The following NEDD4L variants were observed in gnomAD, a reference collection of about 807,000 sequenced individuals.
NEDD4L encodes NEDD4 like E3 ubiquitin protein ligase.
A neutral mutation model predicts 148.9 loss-of-function variants in NEDD4L; 54 were observed. The ratio of observed to expected loss-of-function variants is 0.36; its 90% CI spans 0.29 to 0.45. The LOEUF (loss-of-function observed/expected upper bound fraction) is 0.45, where lower values mean the gene tolerates loss of function less well. Ranked by LOEUF, NEDD4L falls within the 20% of genes least tolerant of loss-of-function variation. NEDD4L has a pLI of 1.00. For missense variants in NEDD4L, 856 were observed against 1,233.8 expected (o/e 0.69, Z 4.59); for synonymous variants, 433 against 440.7 (o/e 0.98, Z 0.22).
intron 22 of NEDD4L, among the ~76,000 whole-genome samples, chr18:58,368,552 G>A (rs2046407479): frequency 6.6e-6 from 1 of 152,228 alleles, no homozygotes; most frequent in Non-Finnish European, 1.5e-5. Context: ...AGGTAGAGTG[G>A]TTGAGGATGG....
chr18:58,233,903 A>G (rs2045562945), intron 2 of NEDD4L, among the ~76,000 whole-genome samples: 1 of 151,944 alleles, frequency 6.6e-6, no homozygotes, highest in Admixed American at 6.6e-5. Context: ...CTTGGCCTGT[A>G]AATGACAATC....
At chr18:58,312,626 G>A (rs1185386418) in intron 5 of NEDD4L, among the ~76,000 whole-genome samples, 1 of 152,202 alleles carries the variant, frequency 6.6e-6, no homozygotes, top group Non-Finnish European at 1.5e-5. Flanking sequence ...GCACCAGGAG[G>A]TTCTCTGATC....
intron 1 of NEDD4L, among the ~76,000 whole-genome samples, chr18:58,088,274 A>G (rs2083873189): frequency 6.6e-6 from 1 of 152,250 alleles, no homozygotes; most frequent in Non-Finnish European, 1.5e-5. Flanking sequence ...CGTCAGCATT[A>G]TTCATTGTGA....
chr18:58,227,105 G>C (rs986284120), intron 2 of NEDD4L, among the ~76,000 whole-genome samples: 1 of 152,160 alleles, frequency 6.6e-6, no homozygotes, highest in African/African-American at 2.4e-5. Context: ...TGTCTCTTTA[G>C]TTTTTATCAT....
chr18:58,316,738 A>G (rs2058312631), intron 6 of NEDD4L, among the ~76,000 whole-genome samples: 1 of 152,202 alleles, frequency 6.6e-6, no homozygotes, highest in African/African-American at 2.4e-5. Flanking sequence ...GGCCTTGAGA[A>G]AGGTGGATCC....
At chr18:58,235,467 C>A (rs547142491) in intron 2 of NEDD4L, among the ~76,000 whole-genome samples, 1 of 152,260 alleles carries the variant, frequency 6.6e-6, no homozygotes, top group Admixed American at 6.5e-5. Flanking sequence ...GAAGTGCAAG[C>A]CGAGTCCTGG....
At position 58,162,404 on chromosome 18, in the gene NEDD4L, C is replaced by T. The variant is rs537336487; in HGVS notation, c.49-3384C>T. 1.6e-4 allele frequency among the ~76,000 whole-genome samples: 24 copies of T among 152,062 alleles called. 1 individual carries two copies. The South Asian group carries it at 4.4e-3, about 28-fold the overall frequency. On this transcript the variant is annotated intron_variant, in intron 1 of 30. Transcript: ENST00000400345. The stretch of plus-strand genomic sequence containing the variant: ...CTCTTCCTGCAACTCCCAGCCCTGC[C>T]GCACCACTCAGCCTTCTTCCTTCAG...
At chr18:58,305,910 T>A (rs1314336664) in intron 5 of NEDD4L, among the ~76,000 whole-genome samples, 1 of 152,156 alleles carries the variant, frequency 6.6e-6, no homozygotes, top group African/African-American at 2.4e-5. Context: ...TTCAGGGAAA[T>A]GTTTTTATAA....
chr18:58,365,691 C>T lies in NEDD4L; in HGVS notation c.1834-308C>T, dbSNP rs1219859544. Among the ~76,000 whole-genome samples the T allele has an allele frequency of 2.0e-5, 3 of 152,182 alleles. No homozygotes were observed. The South Asian group carries it at 6.2e-4, about 32-fold the overall frequency. Reference sequence around the variant, plus strand: ...GCAACAGATACAGTCGACTGCCTTTCGGTTGCCCTATGCTGGAGAAGTGCC... The same window carrying T: ...GCAACAGATACAGTCGACTGCCTTTTGGTTGCCCTATGCTGGAGAAGTGCC... On this transcript the variant is annotated intron_variant, in intron 20 of 30. Transcript: ENST00000400345.
At chr18:58,142,211 T>C (rs1467585098) in intron 1 of NEDD4L, among the ~76,000 whole-genome samples, 1 of 41,684 alleles carries the variant, frequency 2.4e-5, no homozygotes, top group Non-Finnish European at 5.5e-5. Flanking sequence ...CACGCCCGGC[T>C]AATTTTTTTT....
chr18:58,059,394 C>T (rs187455961), intron 1 of NEDD4L, among the ~76,000 whole-genome samples: 201 of 146,956 alleles, frequency 1.4e-3, no homozygotes, highest in Non-Finnish European at 2.0e-3. Flanking sequence ...TACCATATTT[C>T]CCCCCCAGAG....
At chr18:58,356,326 C>G (rs1168688532) in intron 18 of NEDD4L, among the ~76,000 whole-genome samples, 1 of 150,304 alleles carries the variant, frequency 6.7e-6, no homozygotes, top group Non-Finnish European at 1.5e-5. Flanking sequence ...CCTAGATATC[C>G]AAAAACTCTG....
chr18:58,341,066 C>G lies in NEDD4L; in HGVS notation c.1154C>G (p.Pro385Arg). ...TPSVAYVHTT[P>R]GLPSGWEERK... is the part of the protein sequence containing the mutation. ...TCAGTGGCCTATGTACATACCACGC[C>G]GGGTCTGCCTTCAGGCTGGGAAGAA... The change falls in exon 14 of 31, where the codon CCG (proline) becomes CGG (arginine). Residue 385 changes from proline (P) to arginine (R), a missense_variant. Physicochemically the swap from Pro to Arg is moderately radical, Grantham distance 103. This residue lies in a region of NEDD4L where 367 missense variants were observed against 422.7 expected (regional missense o/e 0.87). Coordinates refer to ENST00000400345, the MANE Select transcript of NEDD4L (RefSeq NM_001144967.3). 1 of 1,610,820 alleles carries G rather than the reference C, an allele frequency of 6.2e-7. No individual in the cohort carries two copies. Among genetic ancestry groups the G allele is most frequent in the Non-Finnish European group, 8.5e-7 (1 of 1,178,540 alleles).
At chr18:58,221,087 T>C (rs78171499) in intron 2 of NEDD4L, among the ~76,000 whole-genome samples, 4,568 of 152,222 alleles carry the variant, frequency 0.03, 196 homozygotes, top group African/African-American at 0.095. Flanking sequence ...TTTGTTCCTG[T>C]TTTTTTCCCC....
At chr18:58,302,829 TG>T (rs2056651850) in intron 5 of NEDD4L, among the ~76,000 whole-genome samples, 1 of 152,228 alleles carries the variant, frequency 6.6e-6, no homozygotes, top group Admixed American at 6.5e-5. Context: ...GCCCCAGGCC[TG>T]GGAGGACCCC....
intron 5 of NEDD4L, among the ~76,000 whole-genome samples, chr18:58,281,400 G>C (rs576403421): frequency 3.9e-4 from 59 of 151,710 alleles, no homozygotes; most frequent in African/African-American, 1.4e-3. Context: ...TGTAGTACAA[G>C]ATGTAAAAAC....
chr18:58,313,494 T>G (rs879824164), intron 5 of NEDD4L, among the ~76,000 whole-genome samples: 4 of 152,230 alleles, frequency 2.6e-5, no homozygotes, highest in African/African-American at 7.2e-5. Context: ...TCTACACCGT[T>G]TAAAGCCAGC....
chr18:58,361,866 A>G (rs751466590), intron 19 of NEDD4L, among the ~76,000 whole-genome samples: 4 of 147,546 alleles, frequency 2.7e-5, no homozygotes, highest in Non-Finnish European at 5.9e-5. Flanking sequence ...AAGTGAGAAC[A>G]AATGATTTGG....
chr18:58,134,358 CT>C (rs926932340), intron 1 of NEDD4L, among the ~76,000 whole-genome samples: 3 of 11,944 alleles, frequency 2.5e-4, no homozygotes, highest in Non-Finnish European at 3.8e-4. Flanking sequence ...AATTCCATTT[CT>C]TTTTTTTTTT....
Sources: allele counts gnomAD v4.1 joint callset (sites outside exome capture counted in the v4.1 genomes callset), GRCh38; gene constraint gnomAD v4.1.1; regional missense constraint gnomAD v4.1.1; transcripts MANE v1.5; gene names NCBI Gene and HGNC (gene_info 2026-07-23, HGNC 2026-07-21).